The following GLYATL1B variants were observed in gnomAD, a reference collection of about 807,000 sequenced individuals.
GLYATL1B encodes putative glycine N-acyltransferase-like protein 1B.
Under a neutral mutation model 5.5 loss-of-function variants are expected in GLYATL1B, and 6 were observed. That is an observed-to-expected ratio of 1.09 (90% confidence interval 0.60 to 2.15). GLYATL1B has a LOEUF of 2.15. Ranked by LOEUF, GLYATL1B falls within the 30% of genes most tolerant of loss-of-function variation. The probability of loss-of-function intolerance (pLI) is 0.00; values close to 1 mark genes in which losing one functional copy is unlikely to be tolerated. For synonymous variants in GLYATL1B, 67 were observed against 34.9 expected (o/e 1.92, Z -3.24); for missense variants, 135 against 94.1 (o/e 1.43, Z -1.80).
chr11:59,092,778 A>G (rs1361573217), intron 2 of GLYATL1B, among the ~76,000 whole-genome samples: 4 of 152,176 alleles, frequency 2.6e-5, no homozygotes, highest in Non-Finnish European at 4.4e-5. Flanking sequence ...CAGTTACTTC[A>G]TTCTATTTTG....
intron 2 of GLYATL1B, among the ~76,000 whole-genome samples, chr11:59,092,441 T>C (rs1424403213): frequency 6.6e-6 from 1 of 152,214 alleles, no homozygotes; most frequent in Non-Finnish European, 1.5e-5. Context: ...TCCGGTCTTT[T>C]AAAACATCTA....
chr11:59,086,424 T>C (rs1446155901), intron 1 of GLYATL1B, 40 bp downstream of exon 1: 2 of 398,098 alleles, frequency 5.0e-6, no homozygotes, highest in African/African-American at 2.1e-5. Context: ...GGAGTAGGGG[T>C]GTTGAGGATG....
chr11:59,089,539 G>A (rs1294147350), intron 2 of GLYATL1B, among the ~76,000 whole-genome samples: 1 of 152,130 alleles, frequency 6.6e-6, no homozygotes, highest in African/African-American at 2.4e-5. Flanking sequence ...TGCCAAACTG[G>A]TGGGTGAAAA....
At position 59,092,582 on chromosome 11, in the gene GLYATL1B, C is replaced by T. The variant is rs79834529; in HGVS notation, c.187-947C>T. On this transcript the variant is annotated intron_variant, in intron 2 of 4. Transcript: ENST00000527482. ...TTTTCTCTTTTACTCCTTAACAATA[C>T]AATTTTCAACATAATATTAATACAT... Among the ~76,000 whole-genome samples, 1,254 of 152,290 alleles carry T rather than the reference C, an allele frequency of 8.2e-3. 13 individuals carry two copies. Among genetic ancestry groups the T allele is most frequent in the Non-Finnish European group, 0.01 (694 of 68,022 alleles).
At chr11:59,088,269 C>A (rs1320609831) in intron 2 of GLYATL1B, among the ~76,000 whole-genome samples, 1 of 152,122 alleles carries the variant, frequency 6.6e-6, no homozygotes, top group African/African-American at 2.4e-5. Flanking sequence ...CCATTATTGG[C>A]CGAGGACACA....
At position 59,087,137 on chromosome 11, in the gene GLYATL1B, A is replaced by C. The variant is rs371929838; in HGVS notation, c.152A>C (p.Glu51Ala). ...GAAGTGTTGGTGGACTCCTGGCCCG[A>C]GTATCAGATGGTTATTATCCGACCT... ...NMEVLVDSWP[E>A]YQMVIIRPQK... Residue 51 changes from glutamate (E) to alanine (A), a missense_variant, in exon 2 of 5, where the codon GAG (glutamate) becomes GCG (alanine). Transcript: ENST00000527482. The C allele has an allele frequency of 6.2e-6, 4 of 648,168 alleles. No homozygotes were observed. Among genetic ancestry groups the C allele is most frequent in the Non-Finnish European group, 1.1e-5 (4 of 359,254 alleles). The allele number at this position is 648,168 out of a possible 1,614,324, so 40.2% of individuals were successfully genotyped here.
In GLYATL1B at chr11:59,092,161, CT is replaced by C. The variant is rs1181860074; in HGVS notation, c.187-1358del. Among the ~76,000 whole-genome samples the C allele has an allele frequency of 6.4e-3, 942 of 148,084 alleles. 6 individuals carry two copies. The highest frequency in any genetic ancestry group is 0.02 in the African/African-American group (827 of 40,552). On this transcript the variant is annotated intron_variant, in intron 2 of 4. Coordinates refer to ENST00000527482, the MANE Select transcript of GLYATL1B (RefSeq NM_001355566.1). Reference sequence around the variant, plus strand: ...CATTCTCATGGCTCATACTCTATGCCTTTTTTTTTTCTTTTTTCTCTTTCTC... The same window carrying C: ...CATTCTCATGGCTCATACTCTATGCCTTTTTTTTTCTTTTTTCTCTTTCTC...
intron 2 of GLYATL1B, among the ~76,000 whole-genome samples, chr11:59,093,024 T>C (rs1859350665): frequency 6.6e-6 from 1 of 152,190 alleles, no homozygotes; most frequent in African/African-American, 2.4e-5. Context: ...CTTAACCCTA[T>C]CAACACGGAC....
intron 2 of GLYATL1B, among the ~76,000 whole-genome samples, chr11:59,087,941 T>C (rs1859224064): frequency 6.6e-6 from 1 of 152,214 alleles, no homozygotes. Flanking sequence ...TTAGTGACTG[T>C]CATCATCAGA....
intron 2 of GLYATL1B, among the ~76,000 whole-genome samples, chr11:59,092,645 C>T (rs1859340576): frequency 6.6e-6 from 1 of 152,150 alleles, no homozygotes; most frequent in African/African-American, 2.4e-5. Flanking sequence ...TATATTTCCC[C>T]TGATAAACAG....
chr11:59,091,139 T>C (rs1859299310), intron 2 of GLYATL1B, among the ~76,000 whole-genome samples: 1 of 152,168 alleles, frequency 6.6e-6, no homozygotes, highest in Admixed American at 6.5e-5. Context: ...TTTCATATGC[T>C]ACTGAATATT....
intron 2 of GLYATL1B, among the ~76,000 whole-genome samples, chr11:59,088,824 G>T (rs1031485217): frequency 2.0e-5 from 3 of 152,134 alleles, no homozygotes; most frequent in Admixed American, 2.0e-4. Context: ...CATTCACTTA[G>T]TCTGATTCCA....
intron 1 of GLYATL1B, among the ~76,000 whole-genome samples, 166 bp downstream of exon 1, chr11:59,086,550 C>T (rs1219800920): frequency 2.6e-5 from 4 of 152,120 alleles, no homozygotes; most frequent in Admixed American, 6.5e-5. Flanking sequence ...TGCTTCTCCT[C>T]GGCAACAGGC....
In GLYATL1B at chr11:59,094,762, C is replaced by G. The variant is rs1478484513; in HGVS notation, c.885C>G (p.Tyr295Ter). 8.5e-6 allele frequency: 4 copies of G among 468,038 alleles called. No homozygotes were observed. Among genetic ancestry groups the G allele is most frequent in the African/African-American group, 5.9e-5 (3 of 50,454 alleles). 29.0% of individuals were successfully genotyped at this position (468,038 alleles called of 1,614,324 possible). A position where few individuals can be genotyped will look rare whatever the true frequency, so the allele number is the denominator to read the frequency against. The change falls in exon 5 of 5, where the codon TAC becomes TAG. Residue 295 changes from tyrosine (Y) to a stop codon, truncating the protein, a stop_gained. Coordinates refer to ENST00000527482, the MANE Select transcript of GLYATL1B (RefSeq NM_001355566.1). LOFTEE classifies it high-confidence loss of function. Reference sequence around the variant, plus strand: ...GTCAGTGGCACCAATGGAACTGCTACCCACAGAATCTTGTTCCATTGTAGA... The same window carrying G: ...GTCAGTGGCACCAATGGAACTGCTAGCCACAGAATCTTGTTCCATTGTAGA... ...ASCQWHQWNC[Y>*]PQNLVPL is the part of the protein sequence containing the mutation.
chr11:59,092,002 G>A (rs1166824688), intron 2 of GLYATL1B, among the ~76,000 whole-genome samples: 1 of 152,118 alleles, frequency 6.6e-6, no homozygotes, highest in Non-Finnish European at 1.5e-5. Context: ...TTAGTTCATT[G>A]AAGTTTTCTA....
chr11:59,089,303 G>A (rs1250962469), intron 2 of GLYATL1B, among the ~76,000 whole-genome samples: 1 of 152,120 alleles, frequency 6.6e-6, no homozygotes, highest in East Asian at 1.9e-4. Flanking sequence ...TACAAACAAT[G>A]CTTCAATAAA....
chr11:59,090,608 ATTC>A (rs1859287819), intron 2 of GLYATL1B, among the ~76,000 whole-genome samples: 1 of 151,864 alleles, frequency 6.6e-6, no homozygotes, highest in East Asian at 1.9e-4. Flanking sequence ...TTCTATTTAT[ATTC>A]TTCATTTCCA....
intron 4 of GLYATL1B, 107 bp from the exon 5 acceptor site, chr11:59,094,262 G>C (rs1859383060): frequency 2.0e-6 from 1 of 488,054 alleles, no homozygotes; most frequent in East Asian, 3.3e-5. Flanking sequence ...CTTTGCAATG[G>C]TGGGTCTTTT....
rs1216301682 is a variant in GLYATL1B, at chr11:59,094,485, G to A, written c.608G>A (p.Gly203Glu). ...RSLRYIKRCL[G>E]ALPAACMLGP... The stretch of plus-strand genomic sequence containing the variant: ...CTGCGTTACATCAAGCGCTGCCTAG[G>A]AGCCCTGCCAGCAGCCTGTATGCTG... Residue 203 changes from glycine (G) to glutamate (E), a missense_variant, in exon 5 of 5, where the codon GGA becomes GAA. By Grantham distance (98) the Gly-to-Glu change is moderately conservative. Transcript: ENST00000527482. The A allele has an allele frequency of 1.6e-5, 12 of 761,202 alleles. No individual in the cohort carries two copies. Among genetic ancestry groups the A allele is most frequent in the African/African-American group, 7.0e-5 (4 of 57,498 alleles). The allele number at this position is 761,202 out of a possible 1,614,324, so 47.2% of individuals were successfully genotyped here. A position where few individuals can be genotyped will look rare whatever the true frequency, so the allele number is the denominator to read the frequency against.
Sources: allele counts gnomAD v4.1 joint callset (sites outside exome capture counted in the v4.1 genomes callset), GRCh38; gene constraint gnomAD v4.1.1; transcripts MANE v1.5; gene names NCBI Gene and HGNC (gene_info 2026-07-23, HGNC 2026-07-21).